PTPRK: variants seen among roughly 807,000 people sequenced by gnomAD.
PTPRK encodes protein tyrosine phosphatase receptor type K.
PTPRK carries 75 observed loss-of-function variants against 178.0 expected under a neutral mutation model. The observed-to-expected ratio is 0.42, with a 90% CI of 0.35 to 0.51. The LOEUF (loss-of-function observed/expected upper bound fraction) is 0.51. PTPRK is among the 20% of genes least tolerant of loss of function. PTPRK has a pLI of 0.02. For synonymous variants in PTPRK, 637 were observed against 620.6 expected (o/e 1.03, Z -0.39); for missense variants, 1,441 against 1,797.8 (o/e 0.80, Z 3.59).
rs117740808 is a variant in PTPRK at position 128,340,084 on chromosome 6, C to T, written c.224-17774G>A. Among the ~76,000 whole-genome samples the T allele has an allele frequency of 6.5e-3, 985 of 152,216 alleles. 2 individuals are homozygous for T. Among genetic ancestry groups the T allele is most frequent in the Non-Finnish European group, 1.0e-2 (679 of 67,988 alleles). The stretch of plus-strand genomic sequence containing the variant: ...GTTAAGGAGCTAAGCAAAAAGAAGA[C>T]GCAGAAATCTAAGGATCTGATTCTT... On this transcript the variant is annotated intron_variant, in intron 2 of 29. Transcript: ENST00000368226.
At chr6:128,245,499 A>G (rs932327575) in intron 3 of PTPRK, among the ~76,000 whole-genome samples, 3 of 152,184 alleles carry the variant, frequency 2.0e-5, no homozygotes, top group Admixed American at 2.0e-4. Context: ...GCTGGAATGG[A>G]TGGCTCATCT....
chr6:128,144,668 G>C (rs1429666362), intron 7 of PTPRK, among the ~76,000 whole-genome samples: 6 of 151,986 alleles, frequency 3.9e-5, no homozygotes, highest in African/African-American at 1.5e-4. Context: ...TTATTGTGTA[G>C]TGCTTGTTCT....
chr6:128,075,362 T>A (rs1487815464), intron 11 of PTPRK, among the ~76,000 whole-genome samples: 1 of 85,092 alleles, frequency 1.2e-5, no homozygotes, highest in Non-Finnish European at 2.8e-5. Flanking sequence ...CTAAACAACC[T>A]CTCCCTTTGC....
At chr6:128,301,209 G>A (rs941875679) in intron 3 of PTPRK, among the ~76,000 whole-genome samples, 3 of 152,084 alleles carry the variant, frequency 2.0e-5, no homozygotes, top group Non-Finnish European at 4.4e-5. Context: ...CAAAAATATA[G>A]CAATTTGTCC....
At chr6:127,995,591 G>T in intron 17 of PTPRK, 53 bp from the exon 18 acceptor site, 1 of 1,134,568 alleles carries the variant, frequency 8.8e-7, no homozygotes, top group Non-Finnish European at 1.3e-6. Context: ...CCTGTTCTGA[G>T]ACAATGTCAT....
intron 2 of PTPRK, among the ~76,000 whole-genome samples, chr6:128,379,060 G>C (rs1837502724): frequency 6.6e-6 from 1 of 152,058 alleles, no homozygotes; most frequent in African/African-American, 2.4e-5. Flanking sequence ...CTGATTATTT[G>C]CCACTTGCCT....
chr6:128,105,273 A>G (rs1366946032), intron 7 of PTPRK, among the ~76,000 whole-genome samples: 2 of 151,978 alleles, frequency 1.3e-5, no homozygotes, highest in Non-Finnish European at 2.9e-5. Flanking sequence ...AGCTGGGACT[A>G]CAGGCGCCCG....
At position 128,206,842 on chromosome 6, in the gene PTPRK, A is replaced by C. The variant is rs148769582; in HGVS notation, c.868+12080T>G. 3.7e-3 allele frequency among the ~76,000 whole-genome samples: 557 copies of C among 152,280 alleles called. 4 individuals are homozygous for C. Among genetic ancestry groups the C allele is most frequent in the Non-Finnish European group, 6.3e-3 (427 of 68,016 alleles). ...TGGGCTAGATCATTTATCATGTTTC[A>C]TGATAATGATCAGAAGACACATGGA... is the stretch of plus-strand genomic sequence containing the variant. On this transcript the variant is annotated intron_variant, in intron 6 of 29. Coordinates refer to ENST00000368226, the MANE Select transcript of PTPRK (RefSeq NM_002844.4).
intron 13 of PTPRK, among the ~76,000 whole-genome samples, chr6:128,040,591 T>A (rs950303836): frequency 1.3e-5 from 2 of 152,082 alleles, no homozygotes; most frequent in African/African-American, 4.8e-5. Context: ...ATGGAACATC[T>A]CTCACATGAA....
At chr6:128,175,142 C>T (rs867023027) in intron 7 of PTPRK, among the ~76,000 whole-genome samples, 36 of 151,814 alleles carry the variant, frequency 2.4e-4, no homozygotes, top group African/African-American at 8.5e-4. Context: ...CTTAAAAATG[C>T]AATACAAATG....
intron 1 of PTPRK, among the ~76,000 whole-genome samples, chr6:128,449,252 T>C (rs1847449242): frequency 6.6e-6 from 1 of 152,164 alleles, no homozygotes; most frequent in African/African-American, 2.4e-5. Flanking sequence ...GCTTCACAAA[T>C]CTCATACTTA....
intron 3 of PTPRK, among the ~76,000 whole-genome samples, chr6:128,281,935 A>G (rs1007270756): frequency 1.3e-5 from 2 of 152,204 alleles, no homozygotes; most frequent in African/African-American, 2.4e-5. Context: ...TTCAACAGCT[A>G]AAAGAAATTA....
At chr6:128,239,347 C>T (rs1813955255) in intron 5 of PTPRK, among the ~76,000 whole-genome samples, 1 of 152,122 alleles carries the variant, frequency 6.6e-6, no homozygotes, top group Admixed American at 6.5e-5. Context: ...CTCAGCTCCT[C>T]CCAGCCCCTA....
At chr6:128,150,843 G>A (rs1008543539) in intron 7 of PTPRK, among the ~76,000 whole-genome samples, 1 of 152,060 alleles carries the variant, frequency 6.6e-6, no homozygotes, top group Non-Finnish European at 1.5e-5. Flanking sequence ...CATTATAGGA[G>A]GATGAAAATG....
intron 3 of PTPRK, among the ~76,000 whole-genome samples, chr6:128,246,493 G>A (rs920881788): frequency 2.6e-5 from 4 of 151,464 alleles, no homozygotes; most frequent in African/African-American, 9.7e-5. Flanking sequence ...GCTAAATGTT[G>A]TCTTTGCCTC....
chr6:128,011,406 C>G (rs1397288892), intron 13 of PTPRK, among the ~76,000 whole-genome samples: 1 of 150,976 alleles, frequency 6.6e-6, no homozygotes, highest in Non-Finnish European at 1.5e-5. Context: ...TTAATGAGGT[C>G]AGTATTTTTC....
At chr6:128,094,250 G>A (rs779948759) in intron 7 of PTPRK, among the ~76,000 whole-genome samples, 3 of 152,128 alleles carry the variant, frequency 2.0e-5, no homozygotes, top group African/African-American at 7.2e-5. Context: ...TGAGCAGGAA[G>A]TTAACATAGT....
intron 13 of PTPRK, among the ~76,000 whole-genome samples, chr6:128,039,676 C>T (rs1322583497): frequency 6.6e-6 from 1 of 152,186 alleles, no homozygotes; most frequent in Non-Finnish European, 1.5e-5. Context: ...CGTGTCTTAG[C>T]AGAGCTGGGG....
intron 3 of PTPRK, among the ~76,000 whole-genome samples, chr6:128,280,894 T>C (rs1428174836): frequency 6.6e-6 from 1 of 152,200 alleles, no homozygotes; most frequent in Admixed American, 6.5e-5. Context: ...TTAAAGTCTA[T>C]TTTTATACTT....
Sources: gnomAD v4.1 joint callset for allele counts (sites outside exome capture counted in the v4.1 genomes callset) on GRCh38, gnomAD v4.1.1 for gene constraint, MANE v1.5 for transcripts, NCBI Gene and HGNC (gene_info 2026-07-23, HGNC 2026-07-21) for gene names.